Variants in TTLL7 observed in about 807,000 individuals in gnomAD.
TTLL7 encodes the protein tubulin tyrosine ligase like 7, also known as tubulin polyglutamylase TTLL7.
Under a neutral mutation model 120.2 loss-of-function variants are expected in TTLL7, and 53 were observed. The observed-to-expected ratio is 0.44, with a 90% confidence interval of 0.35 to 0.55. The LOEUF is 0.55. TTLL7 is among the 20% of genes least tolerant of loss of function. The probability of loss-of-function intolerance (pLI) is 0.00; values close to 1 mark genes in which losing one functional copy is unlikely to be tolerated. For synonymous variants in TTLL7, 353 were observed against 351.7 expected (o/e 1.00, Z -0.04); for missense variants, 803 against 1,054.7 (o/e 0.76, Z 3.31).
chr1:83,958,010 T>C (rs1428242504), intron 1 of TTLL7, among the ~76,000 whole-genome samples: 1 of 152,168 alleles, frequency 6.6e-6, no homozygotes, highest in African/African-American at 2.4e-5. Context: ...ACAGAGTAGA[T>C]AATTAAACTC....
At chr1:83,960,086 G>GC (rs1252783078) in intron 1 of TTLL7, among the ~76,000 whole-genome samples, 1 of 152,056 alleles carries the variant, frequency 6.6e-6, no homozygotes, top group Non-Finnish European at 1.5e-5. Context: ...GAATAAATAC[G>GC]CAATTATCAT....
chr1:83,897,285 T>C (rs1044772273), intron 18 of TTLL7, among the ~76,000 whole-genome samples: 4 of 152,090 alleles, frequency 2.6e-5, no homozygotes, highest in Non-Finnish European at 5.9e-5. Context: ...AATAAGAGTC[T>C]TGTGCTTCCA....
In TTLL7 at chr1:83,929,223, C is replaced by T. The variant is rs765005913; in HGVS notation, c.1055G>A (p.Arg352Gln). ...CTGATCAGTTCCAAAGCTTGGGGCT[C>T]GGTTAATCTGAAATTTACAAAGAAG... ...KLKPWLLEINRAPSFGTDQKI... is the reference protein window; with the variant it reads ...KLKPWLLEINQAPSFGTDQKI... The change falls in exon 10 of 21, where the codon CGA becomes CAA. Residue 352 changes from arginine to glutamine, a missense_variant. Around this residue, in one of 3 missense-constraint regions of TTLL7, gnomAD observed 324 missense variants for 507.7 expected, o/e 0.64. Coordinates refer to ENST00000260505, the MANE Select transcript of TTLL7 (RefSeq NM_024686.6). 3.1e-6 allele frequency: 5 copies of T among 1,607,686 alleles called. No individual in the cohort carries two copies. Among genetic ancestry groups the T allele is most frequent in the East Asian group, 2.2e-5 (1 of 44,534 alleles).
rs545185016 is a variant in TTLL7, at chr1:83,896,720, C to T, written c.2209-6239G>A. Among the ~76,000 whole-genome samples, 7 of 152,158 alleles carry T rather than the reference C, an allele frequency of 4.6e-5. No homozygotes were observed. In the South Asian group the frequency reaches 1.5e-3, roughly 32 times the overall value. On this transcript the variant is annotated intron_variant, in intron 18 of 20. Transcript: ENST00000260505. Reference sequence around the variant, plus strand: ...ATTTAGAGAAGTAATACTTGATAAACAAGGACCTCTTAGCACCCTAAAATA... The same window carrying T: ...ATTTAGAGAAGTAATACTTGATAAATAAGGACCTCTTAGCACCCTAAAATA...
intron 18 of TTLL7, 49 bp from the exon 19 acceptor site, chr1:83,890,530 C>T (rs1291777743): frequency 1.3e-6 from 2 of 1,492,750 alleles, no homozygotes; most frequent in South Asian, 2.5e-5. Context: ...ATATCTGTGT[C>T]TAAAATTCAA....
At chr1:83,912,049 A>G (rs1371435657) in intron 14 of TTLL7, among the ~76,000 whole-genome samples, 2 of 152,170 alleles carry the variant, frequency 1.3e-5, no homozygotes. Context: ...CTGCTCAAGA[A>G]CAACTGATGT....
At chr1:83,885,960 A>G (rs1423066998) in intron 19 of TTLL7, among the ~76,000 whole-genome samples, 1 of 152,074 alleles carries the variant, frequency 6.6e-6, no homozygotes, top group East Asian at 1.9e-4. Context: ...CATGAATTCA[A>G]AAGGAAAAAT....
rs567359950 is a variant in TTLL7, at chr1:83,865,066, G to A, written c.*4896C>T. 1 of 151,724 alleles carries A rather than the reference G, an allele frequency of 6.6e-6. No homozygotes were observed. Among genetic ancestry groups the A allele is most frequent in the African/African-American group, 2.4e-5 (1 of 41,412 alleles). 9.4% of individuals were successfully genotyped at this position (151,724 alleles called of 1,614,324 possible). A position where few individuals can be genotyped will look rare whatever the true frequency, so the allele number is the denominator to read the frequency against. On this transcript the variant is annotated 3_prime_UTR_variant, in exon 21 of 21. Transcript: ENST00000260505. ...ACTTTTTTATTATAGTAATGTATCA[G>A]AGTAATTGAAATAACTTCACCATAC...
chr1:83,915,229 T>C (rs1481299281), intron 14 of TTLL7, among the ~76,000 whole-genome samples: 1 of 152,122 alleles, frequency 6.6e-6, no homozygotes, highest in Non-Finnish European at 1.5e-5. Context: ...TCACACTACC[T>C]GACTTCAAAC....
At chr1:83,969,859 A>C (rs1458718973) in intron 1 of TTLL7, among the ~76,000 whole-genome samples, 1 of 152,032 alleles carries the variant, frequency 6.6e-6, no homozygotes, top group Non-Finnish European at 1.5e-5. Context: ...TATTTGAACA[A>C]GGATAAGAAT....
chr1:83,911,652 AG>A (rs1176469489), intron 14 of TTLL7, among the ~76,000 whole-genome samples: 9 of 152,216 alleles, frequency 5.9e-5, no homozygotes, highest in Admixed American at 3.3e-4. Flanking sequence ...AACAAAATAA[AG>A]GGAAAATATT....
intron 1 of TTLL7, among the ~76,000 whole-genome samples, chr1:83,983,339 TAAATA>T (rs922036137): frequency 6.6e-6 from 1 of 151,404 alleles, no homozygotes; most frequent in Non-Finnish European, 1.5e-5. Flanking sequence ...CAAAAACAAA[TAAATA>T]AATAAATAAG....
chr1:83,932,492 A>G (rs1481631653), intron 9 of TTLL7, among the ~76,000 whole-genome samples: 1 of 152,066 alleles, frequency 6.6e-6, no homozygotes, highest in Non-Finnish European at 1.5e-5. Flanking sequence ...ATGAACATCC[A>G]ACAGAGAGAA....
intron 20 of TTLL7, among the ~76,000 whole-genome samples, chr1:83,875,802 A>C (rs1219782056): frequency 1.3e-5 from 2 of 151,856 alleles, no homozygotes; most frequent in African/African-American, 4.8e-5. Flanking sequence ...TTTTCTTTGA[A>C]ATTGGTAGGA....
chr1:83,985,853 T>G (rs1330161188), intron 1 of TTLL7, among the ~76,000 whole-genome samples: 2 of 152,058 alleles, frequency 1.3e-5, no homozygotes, highest in Non-Finnish European at 2.9e-5. Context: ...CTGCCCAATC[T>G]CAGGCAAGAT....
Position 83,944,640 on chromosome 1 carries a change from A to C in TTLL7, c.507-1961T>G, listed in dbSNP as rs377437894. Among the ~76,000 whole-genome samples the C allele has an allele frequency of 8.9e-4, 136 of 152,276 alleles. No homozygotes were observed. In the Middle Eastern group the frequency reaches 0.01, roughly 11 times the overall value. ...GGAGAGTCACTTGAACCTGGGAGGC[A>C]GAGGTTGCCGTGAGCCAAGATCATG... On this transcript the variant is annotated intron_variant, in intron 6 of 20. Coordinates refer to ENST00000260505, the MANE Select transcript of TTLL7 (RefSeq NM_024686.6).
chr1:83,937,508 C>G (rs139584580), intron 8 of TTLL7, among the ~76,000 whole-genome samples: 4 of 152,074 alleles, frequency 2.6e-5, no homozygotes, highest in African/African-American at 9.7e-5. Context: ...CGGCCTAGTA[C>G]AGTAATGTTT....
chr1:83,913,780 C>A (rs963685614), intron 14 of TTLL7, among the ~76,000 whole-genome samples: 6 of 151,426 alleles, frequency 4.0e-5, no homozygotes, highest in African/African-American at 1.5e-4. Context: ...ACAAATCAGA[C>A]AAAGTGAATT....
chr1:83,892,925 AAAG>A (rs776966731), intron 18 of TTLL7, among the ~76,000 whole-genome samples: 14 of 38,626 alleles, frequency 3.6e-4, no homozygotes, highest in African/African-American at 1.4e-3. Flanking sequence ...AAAGAAAGAA[AAAG>A]AGAAAGAAAG....
Sources: allele counts gnomAD v4.1 joint callset (sites outside exome capture counted in the v4.1 genomes callset), GRCh38; gene constraint gnomAD v4.1.1; regional missense constraint gnomAD v4.1.1; transcripts MANE v1.5; gene names NCBI Gene and HGNC (gene_info 2026-07-23, HGNC 2026-07-21).